The following ZC3H18 variants were observed in gnomAD, a reference collection of about 807,000 sequenced individuals.
The protein encoded by ZC3H18 is zinc finger CCCH domain-containing protein 18.
Under a neutral mutation model 106.1 loss-of-function variants are expected in ZC3H18, and 8 were observed. That is an observed-to-expected ratio of 0.08 (90% CI 0.04 to 0.14). ZC3H18 has a LOEUF of 0.14. Ranked by LOEUF, ZC3H18 falls within the 10% of genes least tolerant of loss-of-function variation. The pLI is 1.00. For missense variants in ZC3H18, 1,318 were observed against 1,278.4 expected (o/e 1.03, Z -0.47); for synonymous variants, 635 against 522.1 (o/e 1.22, Z -2.95).
rs1914444415 is a variant in ZC3H18, at chr16:88,572,121, C to T, written c.-15+1555C>T. 2.6e-5 allele frequency among the ~76,000 whole-genome samples: 4 copies of T among 152,328 alleles called. No individual in the cohort carries two copies. The South Asian group carries it at 8.3e-4, about 32-fold the overall frequency. Reference sequence around the variant, plus strand: ...GAGACTCTGACTTGCAGCACTTTATCAAAGTGACTAGCTTGAGAGGAGGAA... The same window carrying T: ...GAGACTCTGACTTGCAGCACTTTATTAAAGTGACTAGCTTGAGAGGAGGAA... On this transcript the variant is annotated intron_variant, in intron 1 of 17. Transcript: ENST00000301011.
chr16:88,590,594 G>T (rs1476546406), intron 3 of ZC3H18, among the ~76,000 whole-genome samples: 5 of 103,064 alleles, frequency 4.9e-5, no homozygotes, highest in Admixed American at 2.6e-4. Context: ...ACAGTGTCTC[G>T]CTCTGTCACC....
chr16:88,615,852 CTG>C (rs1349348473), intron 8 of ZC3H18, among the ~76,000 whole-genome samples: 2 of 152,230 alleles, frequency 1.3e-5, no homozygotes, highest in African/African-American at 4.8e-5. Context: ...AGTCAGGAGT[CTG>C]TAATTCCAAC....
At chr16:88,571,956 C>T (rs1012155393) in intron 1 of ZC3H18, among the ~76,000 whole-genome samples, 2 of 152,316 alleles carry the variant, frequency 1.3e-5, no homozygotes, top group East Asian at 3.9e-4. Flanking sequence ...TTCATCGGTG[C>T]TTCTTTGCCA....
At chr16:88,613,253 C>T (rs1021879023) in intron 8 of ZC3H18, among the ~76,000 whole-genome samples, 14 of 152,264 alleles carry the variant, frequency 9.2e-5, no homozygotes, top group African/African-American at 3.1e-4. Context: ...TTTCTCTGTT[C>T]GTCTGTTGAT....
intron 10 of ZC3H18, 50 bp from the exon 11 acceptor site, chr16:88,623,908 G>C (rs773147532): frequency 6.4e-6 from 10 of 1,556,620 alleles, no homozygotes; most frequent in Non-Finnish European, 8.7e-6. Flanking sequence ...GCTTGGGCTG[G>C]TGAAGAAACA....
intron 8 of ZC3H18, among the ~76,000 whole-genome samples, chr16:88,615,589 C>A (rs902945730): frequency 2.6e-5 from 4 of 152,184 alleles, no homozygotes; most frequent in African/African-American, 9.7e-5. Context: ...ACAAACAGAA[C>A]CAGCTGAGTC....
At chr16:88,581,038 G>A (rs1055936272) in intron 2 of ZC3H18, among the ~76,000 whole-genome samples, 10 of 152,202 alleles carry the variant, frequency 6.6e-5, no homozygotes, top group Non-Finnish European at 1.3e-4. Context: ...CTGCATGCCT[G>A]CAGCCTCGTG....
intron 8 of ZC3H18, among the ~76,000 whole-genome samples, chr16:88,613,593 G>A (rs536549150): frequency 6.6e-6 from 1 of 152,326 alleles, no homozygotes; most frequent in South Asian, 2.1e-4. Flanking sequence ...GATGATGGAT[G>A]ATAATGAGAG....
intron 13 of ZC3H18, chr16:88,625,896 G>C (rs1906280012): frequency 6.9e-6 from 1 of 144,024 alleles, no homozygotes; most frequent in Admixed American, 7.2e-5. Flanking sequence ...AGGCTGGAGT[G>C]CAATGGCGCG....
In ZC3H18 at chr16:88,624,051, C is replaced by CCACCACA; in HGVS notation, c.1887_1888insCACCACA (p.Gly630HisfsTer66). On this transcript the variant is annotated frameshift_variant, in exon 11 of 18. Coordinates refer to ENST00000301011, the MANE Select transcript of ZC3H18 (RefSeq NM_144604.4). LOFTEE classifies it high-confidence loss of function. ...CCAAGGGAGAGCCGGCCCCGCCGCC[C>CCACCACA]GGGAAAGCAGGGTGAGTGCCCAGCC... is the stretch of plus-strand genomic sequence containing the variant. 6.2e-7 allele frequency: 1 copy of CCACCACA among 1,602,096 alleles called. No homozygotes were observed. Among genetic ancestry groups the CCACCACA allele is most frequent in the Non-Finnish European group, 8.5e-7 (1 of 1,174,178 alleles).
chr16:88,593,776 G>C (rs544130237), intron 3 of ZC3H18, among the ~76,000 whole-genome samples: 2 of 152,342 alleles, frequency 1.3e-5, no homozygotes, highest in South Asian at 4.1e-4. Flanking sequence ...GAGAACAACG[G>C]ACAGTGTTAG....
At chr16:88,625,541 C>G (rs1230016254) in intron 13 of ZC3H18, 2 of 479,368 alleles carry the variant, frequency 4.2e-6, no homozygotes, top group South Asian at 2.2e-5. Flanking sequence ...GCCCTGCTGA[C>G]TTGATGCCCA....
chr16:88,616,946 TCAC>T (rs1320813913), intron 8 of ZC3H18, among the ~76,000 whole-genome samples: 1 of 152,092 alleles, frequency 6.6e-6, no homozygotes, highest in African/African-American at 2.4e-5. Context: ...AGCAGGCACT[TCAC>T]CACCCCAAGC....
chr16:88,625,111 G>T, intron 12 of ZC3H18, 91 bp from the exon 13 acceptor site: 1 of 1,444,692 alleles, frequency 6.9e-7, no homozygotes. Flanking sequence ...CAGTCTGGAG[G>T]CTCACCTCAC....
Position 88,589,790 on chromosome 16 carries a change from G to A in ZC3H18, c.688+3106G>A, listed in dbSNP as rs139747806. The stretch of plus-strand genomic sequence containing the variant: ...GAGACGGAAAGTAGATTGATTCCTC[G>A]TTGCCTGGACTGGGGGTGGAGAGTG... On this transcript the variant is annotated intron_variant, in intron 3 of 17. Transcript: ENST00000301011. 2.6e-3 allele frequency among the ~76,000 whole-genome samples: 399 copies of A among 152,316 alleles called. 1 individual carries two copies. The highest frequency in any genetic ancestry group is 9.1e-3 in the African/African-American group (378 of 41,566).
At chr16:88,580,995 C>G (rs1179059446) in intron 2 of ZC3H18, among the ~76,000 whole-genome samples, 1 of 152,212 alleles carries the variant, frequency 6.6e-6, no homozygotes, top group Non-Finnish European at 1.5e-5. Flanking sequence ...CCGGCCCAGT[C>G]AGGAGAGGGA....
chr16:88,571,108 AT>A (rs1473453844), intron 1 of ZC3H18, among the ~76,000 whole-genome samples: 4 of 152,176 alleles, frequency 2.6e-5, no homozygotes, highest in Non-Finnish European at 5.9e-5. Flanking sequence ...TGCCCCTTGG[AT>A]TAGGAGATCA....
At chr16:88,620,862 T>G (rs1905914303) in intron 8 of ZC3H18, among the ~76,000 whole-genome samples, 1 of 152,162 alleles carries the variant, frequency 6.6e-6, no homozygotes, top group East Asian at 1.9e-4. Flanking sequence ...CATTTGTGTT[T>G]GGGTTTTTTT....
At chr16:88,601,856 T>A (rs1904764876) in intron 6 of ZC3H18, among the ~76,000 whole-genome samples, 1 of 151,776 alleles carries the variant, frequency 6.6e-6, no homozygotes, top group Non-Finnish European at 1.5e-5. Flanking sequence ...AGGGTGCATG[T>A]GTCACAGTGG....
Sources: gnomAD v4.1 joint callset for allele counts (sites outside exome capture counted in the v4.1 genomes callset) on GRCh38, gnomAD v4.1.1 for gene constraint, MANE v1.5 for transcripts, NCBI Gene and HGNC (gene_info 2026-07-23, HGNC 2026-07-21) for gene names.